The following CCSER1 variants were observed in gnomAD, a reference collection of about 807,000 sequenced individuals.
CCSER1 encodes the protein serine-rich coiled-coil domain-containing protein 1.
CCSER1 carries 41 observed loss-of-function variants against 82.0 expected under a neutral mutation model. The observed-to-expected ratio is 0.50, with a 90% confidence interval of 0.39 to 0.65. The LOEUF (loss-of-function observed/expected upper bound fraction) is 0.65, where lower values mean the gene tolerates loss of function less well. CCSER1 is among the 30% of genes least tolerant of loss of function. The pLI is 0.00. For synonymous variants in CCSER1, 414 were observed against 383.9 expected (o/e 1.08, Z -0.92); for missense variants, 1,119 against 1,064.2 (o/e 1.05, Z -0.72).
chr4:90,350,567 C>A (rs1259804864), intron 3 of CCSER1, among the ~76,000 whole-genome samples: 1 of 151,980 alleles, frequency 6.6e-6, no homozygotes, highest in African/African-American at 2.4e-5. Flanking sequence ...TAAAAACCAA[C>A]AATTTAATTA....
At chr4:90,903,414 G>A (rs567443230) in intron 8 of CCSER1, among the ~76,000 whole-genome samples, 1 of 152,154 alleles carries the variant, frequency 6.6e-6, no homozygotes, top group South Asian at 2.1e-4. Context: ...TCAGCCGTCT[G>A]GATCTGTAAG....
intron 1 of CCSER1, among the ~76,000 whole-genome samples, chr4:90,273,549 G>A (rs72879720): frequency 0.049 from 7,387 of 152,116 alleles, 476 homozygotes; most frequent in African/African-American, 0.15. Context: ...TTCTTTTAGA[G>A]ACTTTATTTT....
intron 6 of CCSER1, among the ~76,000 whole-genome samples, chr4:90,685,743 T>A (rs1734706842): frequency 1.3e-5 from 2 of 152,180 alleles, no homozygotes; most frequent in Non-Finnish European, 2.9e-5. Flanking sequence ...ACATGAACAC[T>A]CTTACTCAAA....
At chr4:91,177,672 T>G (rs1733544518) in intron 10 of CCSER1, among the ~76,000 whole-genome samples, 1 of 152,210 alleles carries the variant, frequency 6.6e-6, no homozygotes, top group Non-Finnish European at 1.5e-5. Flanking sequence ...GATATCCCCT[T>G]TAACATTTTT....
intron 10 of CCSER1, among the ~76,000 whole-genome samples, chr4:91,200,319 C>A (rs1735806476): frequency 6.6e-6 from 1 of 151,960 alleles, no homozygotes; most frequent in African/African-American, 2.4e-5. Flanking sequence ...ATCATTTGGA[C>A]AATATACCTT....
chr4:90,296,746 G>C (rs576583236), intron 1 of CCSER1, among the ~76,000 whole-genome samples: 52 of 152,252 alleles, frequency 3.4e-4, no homozygotes, highest in African/African-American at 1.2e-3. Flanking sequence ...TTATTAAATA[G>C]GGAATCATTT....
At chr4:90,792,617 C>T (rs868381354) in intron 7 of CCSER1, among the ~76,000 whole-genome samples, 1 of 152,210 alleles carries the variant, frequency 6.6e-6, no homozygotes, top group Non-Finnish European at 1.5e-5. Flanking sequence ...TGACAGAATA[C>T]ATGGACACTC....
At chr4:91,030,256 G>C (rs7656707) in intron 9 of CCSER1, among the ~76,000 whole-genome samples, 6 of 152,000 alleles carry the variant, frequency 3.9e-5, no homozygotes, top group Admixed American at 3.9e-4. Context: ...AATGTAAATT[G>C]GTTGAAGAAG....
chr4:90,218,168 A>G (rs2904293), intron 1 of CCSER1, among the ~76,000 whole-genome samples: 92,978 of 151,924 alleles, frequency 0.61, 29,808 homozygotes, highest in East Asian at 0.83. Flanking sequence ...AGCTTTATCC[A>G]TGTCTACTGA....
chr4:90,289,196 A>G (rs1730459624), intron 1 of CCSER1, among the ~76,000 whole-genome samples: 2 of 151,892 alleles, frequency 1.3e-5, no homozygotes, highest in African/African-American at 4.8e-5. Context: ...ACATTTGCAT[A>G]TATTTTTCTT....
intron 10 of CCSER1, among the ~76,000 whole-genome samples, chr4:91,263,837 T>C (rs549905635): frequency 1.1e-4 from 16 of 151,898 alleles, no homozygotes; most frequent in Non-Finnish European, 1.5e-4. Flanking sequence ...ATTAAGAGTT[T>C]CCAAAGATGT....
chr4:90,490,062 G>C (rs1415065711), intron 5 of CCSER1, among the ~76,000 whole-genome samples: 1 of 152,116 alleles, frequency 6.6e-6, no homozygotes, highest in Non-Finnish European at 1.5e-5. Flanking sequence ...GGGTCAAATG[G>C]TATTTCTAGT....
At chr4:91,450,127 A>ACAGGAT (rs1363534792) in intron 10 of CCSER1, among the ~76,000 whole-genome samples, 2 of 151,768 alleles carry the variant, frequency 1.3e-5, no homozygotes, top group Non-Finnish European at 2.9e-5. Flanking sequence ...TTGTTTTTAT[A>ACAGGAT]CAGGATGGGT....
intron 10 of CCSER1, among the ~76,000 whole-genome samples, chr4:91,281,134 G>A (rs1250515070): frequency 6.6e-6 from 1 of 152,166 alleles, no homozygotes; most frequent in African/African-American, 2.4e-5. Context: ...TTGTTTTGGG[G>A]AATCTCTCCA....
In CCSER1 at chr4:90,964,594, A is replaced by G. The variant is rs371654287; in HGVS notation, c.2172+41147A>G. On this transcript the variant is annotated intron_variant, in intron 9 of 10. Transcript: ENST00000509176. Reference sequence around the variant, plus strand: ...AAAAAACTTAGCTGGGTGTGGTGGCAGGCGCCTGTTGTCTCAGCTACTCGG... The same window carrying G: ...AAAAAACTTAGCTGGGTGTGGTGGCGGGCGCCTGTTGTCTCAGCTACTCGG... 4.7e-3 allele frequency among the ~76,000 whole-genome samples: 719 copies of G among 151,726 alleles called. 13 individuals carry two copies. Among genetic ancestry groups the G allele is most frequent in the African/African-American group, 0.016 (666 of 41,284 alleles).
chr4:90,137,236 T>G (rs1723862515), intron 1 of CCSER1, among the ~76,000 whole-genome samples: 1 of 152,214 alleles, frequency 6.6e-6, no homozygotes, highest in Non-Finnish European at 1.5e-5. Flanking sequence ...TACAAATTTG[T>G]ACACAGGTAT....
intron 6 of CCSER1, among the ~76,000 whole-genome samples, chr4:90,673,858 G>T (rs1232104211): frequency 6.6e-6 from 1 of 151,944 alleles, no homozygotes; most frequent in Non-Finnish European, 1.5e-5. Flanking sequence ...CACTTGTCAG[G>T]CATAGTTCAT....
At chr4:91,531,853 C>T (rs561429449) in intron 10 of CCSER1, among the ~76,000 whole-genome samples, 1 of 152,264 alleles carries the variant, frequency 6.6e-6, no homozygotes, top group East Asian at 1.9e-4. Context: ...AATGACCCAC[C>T]TCTTATTACT....
chr4:91,168,431 G>A (rs1732391750), intron 10 of CCSER1, among the ~76,000 whole-genome samples: 1 of 143,962 alleles, frequency 6.9e-6, no homozygotes, highest in Non-Finnish European at 1.5e-5. Flanking sequence ...GAGTGCCTCT[G>A]CCCGGCCGCC....
Sources: allele counts gnomAD v4.1 joint callset (sites outside exome capture counted in the v4.1 genomes callset), GRCh38; gene constraint gnomAD v4.1.1; transcripts MANE v1.5; gene names NCBI Gene and HGNC (gene_info 2026-07-23, HGNC 2026-07-21).